GMDS: variants seen among roughly 807,000 people sequenced by gnomAD.
GMDS encodes the protein GDP-mannose 4,6-dehydratase.
In GMDS, 20 loss-of-function variants were observed where a neutral mutation model predicts 49.9. The ratio of observed to expected loss-of-function variants is 0.40; its 90% confidence interval spans 0.28 to 0.58. The LOEUF (loss-of-function observed/expected upper bound fraction) is 0.58. Among genes scored for constraint, GMDS ranks in the 20% least tolerant of loss-of-function variants. The pLI is 0.42. For synonymous variants in GMDS, 177 were observed against 178.6 expected (o/e 0.99, Z 0.07); for missense variants, 362 against 481.4 (o/e 0.75, Z 2.32).
chr6:1,739,042 G>A (rs963322589), intron 8 of GMDS, among the ~76,000 whole-genome samples: 3 of 152,240 alleles, frequency 2.0e-5, no homozygotes, highest in South Asian at 2.1e-4. Context: ...ACAGAGCACC[G>A]TCAGCTGTTG....
chr6:2,163,946 G>T (rs1284482909), intron 1 of GMDS, among the ~76,000 whole-genome samples: 1 of 152,208 alleles, frequency 6.6e-6, no homozygotes, highest in Non-Finnish European at 1.5e-5. Context: ...ATGTCTTCTG[G>T]ACCCTCCCGT....
At chr6:2,021,798 T>C (rs1768290352) in intron 4 of GMDS, among the ~76,000 whole-genome samples, 1 of 152,182 alleles carries the variant, frequency 6.6e-6, no homozygotes, top group African/African-American at 2.4e-5. Flanking sequence ...CCAATCGCTC[T>C]GTAAGGCGAT....
intron 1 of GMDS, among the ~76,000 whole-genome samples, chr6:2,140,402 A>G (rs1391881909): frequency 1.3e-5 from 2 of 152,122 alleles, no homozygotes; most frequent in Non-Finnish European, 2.9e-5. Context: ...TCTGACATAC[A>G]CCTTGATTTT....
At chr6:1,901,194 C>G (rs1006907215) in intron 7 of GMDS, among the ~76,000 whole-genome samples, 1 of 152,218 alleles carries the variant, frequency 6.6e-6, no homozygotes, top group African/African-American at 2.4e-5. Flanking sequence ...GGAGTCGCCA[C>G]ATGGTGCCCA....
At chr6:1,815,223 G>A (rs543135341) in intron 7 of GMDS, among the ~76,000 whole-genome samples, 5 of 152,014 alleles carry the variant, frequency 3.3e-5, no homozygotes, top group East Asian at 3.9e-4. Flanking sequence ...TTCATCTACC[G>A]AAAAAAATTC....
chr6:1,648,598 C>T (rs1189817314), intron 9 of GMDS, among the ~76,000 whole-genome samples: 1 of 152,234 alleles, frequency 6.6e-6, no homozygotes, highest in African/African-American at 2.4e-5. Context: ...ATGAAGTCTT[C>T]CTCTGCACAC....
At chr6:2,205,472 C>T (rs547468488) in intron 1 of GMDS, among the ~76,000 whole-genome samples, 4 of 152,350 alleles carry the variant, frequency 2.6e-5, no homozygotes, top group East Asian at 3.9e-4. Context: ...CTTCTTCCAG[C>T]GTGGCCCTCT....
rs149745613 is a variant in GMDS, at chr6:1,867,892, T to C, written c.771+62211A>G. Among the ~76,000 whole-genome samples the C allele has an allele frequency of 3.0e-3, 458 of 152,290 alleles. 1 individual carries two copies. The highest frequency in any genetic ancestry group is 0.01 in the African/African-American group (436 of 41,552). On this transcript the variant is annotated intron_variant, in intron 7 of 10. Transcript: ENST00000380815. ...AGGTACAAGAAACACTCCTGTGTTA[T>C]TTGTAGGTGTTCCTCGTGTCTGTGG...
At chr6:1,727,798 C>T (rs1195975217) in intron 8 of GMDS, among the ~76,000 whole-genome samples, 2 of 152,128 alleles carry the variant, frequency 1.3e-5, no homozygotes, top group Non-Finnish European at 2.9e-5. Context: ...TGTTAGTGTG[C>T]TGAATTTACC....
intron 7 of GMDS, among the ~76,000 whole-genome samples, chr6:1,758,299 T>G (rs750919706): frequency 6.6e-6 from 1 of 152,186 alleles, no homozygotes; most frequent in African/African-American, 2.4e-5. Flanking sequence ...AGTGATTTCA[T>G]CAGCGATGAC....
intron 9 of GMDS, among the ~76,000 whole-genome samples, chr6:1,678,922 C>A (rs555529901): frequency 1.6e-4 from 24 of 152,254 alleles, no homozygotes; most frequent in Admixed American, 1.4e-3. Context: ...TTGTTTTAAA[C>A]AAGTACCTGC....
rs1429327419 is a variant in GMDS at position 1,670,374 on chromosome 6, T to TC, written c.988-45835_988-45834insG. Among the ~76,000 whole-genome samples, 4 of 151,850 alleles carry TC rather than the reference T, an allele frequency of 2.6e-5. No individual in the cohort carries two copies. The East Asian group carries it at 7.7e-4, about 29-fold the overall frequency. On this transcript the variant is annotated intron_variant, in intron 9 of 10. Coordinates refer to ENST00000380815, the MANE Select transcript of GMDS (RefSeq NM_001500.4). ...AGTGTTTCTGGGTTTTTTTTGGTTT[T>TC]TTTTTTTTTTCACCTGCACTAAAAA...
intron 2 of GMDS, among the ~76,000 whole-genome samples, chr6:2,120,463 A>G (rs1272520024): frequency 1.3e-5 from 2 of 152,250 alleles, no homozygotes; most frequent in African/African-American, 4.8e-5. Flanking sequence ...TCTCCCAGAG[A>G]TAACAATGGG....
intron 5 of GMDS, 49 bp downstream of exon 5, chr6:1,960,725 C>A: frequency 7.9e-7 from 1 of 1,260,818 alleles, no homozygotes; most frequent in South Asian, 1.6e-5. Flanking sequence ...ACCCCCCACA[C>A]CCACAGATAA....
chr6:1,718,569 C>T (rs1219505692), intron 9 of GMDS, among the ~76,000 whole-genome samples: 1 of 152,152 alleles, frequency 6.6e-6, no homozygotes, highest in Non-Finnish European at 1.5e-5. Flanking sequence ...TCATTACACC[C>T]ACCCCACCCC....
intron 1 of GMDS, among the ~76,000 whole-genome samples, chr6:2,244,440 A>G (rs1337658190): frequency 1.3e-5 from 2 of 152,074 alleles, no homozygotes; most frequent in Non-Finnish European, 2.9e-5. Context: ...GATACCCAGG[A>G]GCACACACAT....
intron 7 of GMDS, among the ~76,000 whole-genome samples, chr6:1,817,671 T>C (rs1173806610): frequency 6.6e-6 from 1 of 152,200 alleles, no homozygotes; most frequent in Non-Finnish European, 1.5e-5. Flanking sequence ...AACAATTTAA[T>C]TGCTTCTGTC....
At chr6:1,876,431 A>G (rs1393278340) in intron 7 of GMDS, among the ~76,000 whole-genome samples, 1 of 152,224 alleles carries the variant, frequency 6.6e-6, no homozygotes, top group Non-Finnish European at 1.5e-5. Flanking sequence ...ACGATATAAT[A>G]ACTAGGCTCT....
At chr6:1,869,090 C>T (rs1296242145) in intron 7 of GMDS, among the ~76,000 whole-genome samples, 5 of 152,158 alleles carry the variant, frequency 3.3e-5, no homozygotes, top group Non-Finnish European at 5.9e-5. Flanking sequence ...TCTTGTCACT[C>T]TCTGAGAAGA....
Sources: gnomAD v4.1 joint callset for allele counts (sites outside exome capture counted in the v4.1 genomes callset) on GRCh38, gnomAD v4.1.1 for gene constraint, MANE v1.5 for transcripts, NCBI Gene and HGNC (gene_info 2026-07-23, HGNC 2026-07-21) for gene names.